TTC23L: variants seen among roughly 807,000 people sequenced by gnomAD.
TTC23L encodes the protein tetratricopeptide repeat domain 23 like.
A neutral mutation model predicts 48.1 loss-of-function variants in TTC23L; 42 were observed. The observed-to-expected ratio is 0.87, with a 90% CI of 0.68 to 1.13. The LOEUF (loss-of-function observed/expected upper bound fraction) is 1.13. Among genes scored for constraint, TTC23L ranks in the 50% most tolerant of loss-of-function variants. The probability of loss-of-function intolerance (pLI) is 0.00; values close to 1 mark genes in which losing one functional copy is unlikely to be tolerated. For missense variants in TTC23L, 391 were observed against 421.0 expected (o/e 0.93, Z 0.62); for synonymous variants, 159 against 157.2 (o/e 1.01, Z -0.09).
the TTC23L span, chr5:34,907,078 C>A: frequency 6.6e-6 from 1 of 152,200 alleles, no homozygotes; most frequent in Non-Finnish European, 1.5e-5. Flanking sequence ...ACCCTGGCCA[C>A]CTCCCAGAAT....
chr5:34,857,361 G>A (rs1489847833), intron 4 of TTC23L, among the ~76,000 whole-genome samples: 2 of 152,190 alleles, frequency 1.3e-5, no homozygotes, highest in Admixed American at 1.3e-4. Flanking sequence ...GAATCTTCCA[G>A]GTACTGGGGC....
the TTC23L span, chr5:34,919,997 CAT>C: frequency 1.9e-6 from 1 of 523,722 alleles, no homozygotes; most frequent in African/African-American, 2.0e-5. Context: ...TATTCAGACA[CAT>C]TTTATTAACT....
At chr5:34,865,824 G>C (rs1761009771) in intron 6 of TTC23L, among the ~76,000 whole-genome samples, 1 of 152,128 alleles carries the variant, frequency 6.6e-6, no homozygotes, top group South Asian at 2.1e-4. Flanking sequence ...TGAGACCACA[G>C]GCAAGACACC....
the TTC23L span, chr5:34,915,883 G>C: frequency 6.4e-7 from 1 of 1,556,264 alleles, no homozygotes; most frequent in African/African-American, 1.4e-5. Flanking sequence ...CCGGATCCCA[G>C]GCCCCGTTTG....
chr5:34,879,918 C>T (rs980058293), intron 8 of TTC23L, among the ~76,000 whole-genome samples: 1 of 152,112 alleles, frequency 6.6e-6, no homozygotes, highest in Non-Finnish European at 1.5e-5. Flanking sequence ...ATCACTTGAA[C>T]CCAGGAGGCA....
intron 4 of TTC23L, among the ~76,000 whole-genome samples, chr5:34,854,466 C>T (rs1040410512): frequency 2.0e-5 from 3 of 152,110 alleles, no homozygotes; most frequent in Non-Finnish European, 4.4e-5. Context: ...AGTGTCTGGT[C>T]CATGGAATAA....
At chr5:34,870,695 G>C (rs1761390356) in intron 8 of TTC23L, among the ~76,000 whole-genome samples, 1 of 152,056 alleles carries the variant, frequency 6.6e-6, no homozygotes, top group Non-Finnish European at 1.5e-5. Flanking sequence ...GATGAAAAAA[G>C]CAACAAAATA....
the TTC23L span, chr5:34,915,888 C>T: frequency 3.2e-6 from 5 of 1,554,722 alleles, no homozygotes; most frequent in South Asian, 1.2e-5. Flanking sequence ...TCCCAGGCCC[C>T]GTTTGCAAGG....
At chr5:34,916,579 A>G in the TTC23L span, 1 of 152,350 alleles carries the variant, frequency 6.6e-6, no homozygotes, top group South Asian at 2.1e-4. Flanking sequence ...GATGGTTTTT[A>G]TTCAAAAGAA....
chr5:34,872,936 G>A (rs1037208606), intron 8 of TTC23L, among the ~76,000 whole-genome samples: 2 of 152,138 alleles, frequency 1.3e-5, no homozygotes, highest in Non-Finnish European at 2.9e-5. Context: ...GGTGGCATGC[G>A]CCTGTAATCC....
chr5:34,918,437 T>C, the TTC23L span: 1 of 1,610,712 alleles, frequency 6.2e-7, no homozygotes, highest in Non-Finnish European at 8.5e-7. Flanking sequence ...AGACATTTAA[T>C]GCAGGACTTG....
chr5:34,916,065 A>G, the TTC23L span: 41 of 741,448 alleles, frequency 5.5e-5, no homozygotes, highest in Non-Finnish European at 8.0e-5. Flanking sequence ...TTTGCAGCTA[A>G]TCCTTGTGCA....
At chr5:34,895,220 G>T (rs1035146760) in intron 9 of TTC23L, among the ~76,000 whole-genome samples, 1 of 152,192 alleles carries the variant, frequency 6.6e-6, no homozygotes, top group South Asian at 2.1e-4. Context: ...ACATATCTGT[G>T]TTTGAATCCA....
At chr5:34,861,042 A>C (rs1760586612) in intron 4 of TTC23L, 1 of 152,238 alleles carries the variant, frequency 6.6e-6, no homozygotes, top group African/African-American at 2.4e-5. Context: ...ATCTCAGCTC[A>C]CTGCAGCCTC....
At chr5:34,846,600 T>C (rs336488) in intron 3 of TTC23L, among the ~76,000 whole-genome samples, 37,311 of 89,978 alleles carry the variant, frequency 0.41, 10,090 homozygotes, top group African/African-American at 0.45. Context: ...TATATATATA[T>C]ACACACACAT....
At chr5:34,851,857 G>C (rs994145400) in intron 4 of TTC23L, among the ~76,000 whole-genome samples, 1 of 152,094 alleles carries the variant, frequency 6.6e-6, no homozygotes, top group Non-Finnish European at 1.5e-5. Context: ...AATGAATATT[G>C]GTGGTCCCTA....
intron 8 of TTC23L, among the ~76,000 whole-genome samples, chr5:34,873,593 G>C (rs1335040556): frequency 6.6e-6 from 1 of 152,166 alleles, no homozygotes; most frequent in African/African-American, 2.4e-5. Context: ...GCAAACTCTG[G>C]AGGAAATGAA....
At chr5:34,860,574 A>G (rs1283536534) in intron 4 of TTC23L, among the ~76,000 whole-genome samples, 1 of 152,150 alleles carries the variant, frequency 6.6e-6, no homozygotes, top group Non-Finnish European at 1.5e-5. Flanking sequence ...CTGCATTTTA[A>G]TAGGGTGCTT....
intron 4 of TTC23L, among the ~76,000 whole-genome samples, chr5:34,862,139 T>C (rs1475586026): frequency 6.6e-6 from 1 of 152,174 alleles, no homozygotes; most frequent in Non-Finnish European, 1.5e-5. Context: ...TTTTTAAATC[T>C]TTAAAAAGAA....
Sources: gnomAD v4.1 joint callset for allele counts (sites outside exome capture counted in the v4.1 genomes callset) on GRCh38, gnomAD v4.1.1 for gene constraint, MANE v1.5 for transcripts, NCBI Gene and HGNC (gene_info 2026-07-23, HGNC 2026-07-21) for gene names.